Variants in GRID1 observed in about 807,000 individuals in gnomAD.
GRID1 encodes glutamate ionotropic receptor delta type subunit 1, also known as glutamate receptor ionotropic, delta-1.
Under a neutral mutation model 98.0 loss-of-function variants are expected in GRID1, and 28 were observed. The observed-to-expected ratio is 0.29, with a 90% CI of 0.21 to 0.39. GRID1 has a LOEUF of 0.39. GRID1 is among the 10% of genes least tolerant of loss of function. The pLI is 1.00. For missense variants in GRID1, 1,111 were observed against 1,340.5 expected (o/e 0.83, Z 2.67); for synonymous variants, 553 against 538.5 (o/e 1.03, Z -0.37).
chr10:86,218,449 G>C (rs2132027552), intron 2 of GRID1, among the ~76,000 whole-genome samples: 1 of 152,234 alleles, frequency 6.6e-6, no homozygotes, highest in East Asian at 1.9e-4. Context: ...TCTAGGAAAG[G>C]TTGGAGTGGC....
intron 12 of GRID1, among the ~76,000 whole-genome samples, chr10:85,679,693 G>A (rs1841185070): frequency 6.6e-6 from 1 of 152,164 alleles, no homozygotes; most frequent in Non-Finnish European, 1.5e-5. Flanking sequence ...AAGTGGATGA[G>A]GCAAGAATGT....
At chr10:86,112,159 G>A (rs1352819147) in intron 4 of GRID1, among the ~76,000 whole-genome samples, 1 of 152,162 alleles carries the variant, frequency 6.6e-6, no homozygotes, top group Non-Finnish European at 1.5e-5. Flanking sequence ...TATGACTAGG[G>A]ACAGGGGACA....
intron 3 of GRID1, among the ~76,000 whole-genome samples, chr10:86,188,427 G>A (rs1395769153): frequency 6.6e-6 from 1 of 152,122 alleles, no homozygotes; most frequent in Admixed American, 6.5e-5. Flanking sequence ...CCCTTGCTAG[G>A]CCTGTCCTGT....
At chr10:86,291,935 C>T (rs932672822) in intron 2 of GRID1, among the ~76,000 whole-genome samples, 1 of 152,194 alleles carries the variant, frequency 6.6e-6, no homozygotes, top group Non-Finnish European at 1.5e-5. Context: ...CAGCCAGGGC[C>T]CTTTGAGAAG....
At chr10:85,732,392 C>A (rs147491118) in intron 8 of GRID1, among the ~76,000 whole-genome samples, 1 of 152,276 alleles carries the variant, frequency 6.6e-6, no homozygotes, top group Non-Finnish European at 1.5e-5. Context: ...CTTCCTGGTA[C>A]GGTGAAGGGG....
intron 2 of GRID1, among the ~76,000 whole-genome samples, chr10:86,279,171 G>A (rs1847318255): frequency 1.3e-5 from 2 of 152,110 alleles, no homozygotes; most frequent in African/African-American, 4.8e-5. Flanking sequence ...TTTCCACCAT[G>A]GAAAGGTACC....
chr10:85,996,346 T>C (rs1171146171), intron 4 of GRID1, among the ~76,000 whole-genome samples: 1 of 151,818 alleles, frequency 6.6e-6, no homozygotes, highest in African/African-American at 2.4e-5. Flanking sequence ...CTAAAAGAAA[T>C]GGAAAAATAA....
At position 85,660,499 on chromosome 10, in the gene GRID1, C is replaced by T. The variant is rs117045723; in HGVS notation, c.1998-13102G>A. On this transcript the variant is annotated intron_variant, in intron 12 of 15. Transcript: ENST00000327946. ...GTGCCAGTCCCTCTTTCATGGGATC[C>T]TTGTGACAGCCCTGGGAGAACAGTC... Among the ~76,000 whole-genome samples, 534 of 152,202 alleles carry T rather than the reference C, an allele frequency of 3.5e-3. 1 individual carries two copies. The highest frequency in any genetic ancestry group is 6.4e-3 in the Non-Finnish European group (433 of 67,990).
intron 2 of GRID1, among the ~76,000 whole-genome samples, chr10:86,328,495 C>G (rs7087612): frequency 6.6e-6 from 1 of 152,128 alleles, no homozygotes; most frequent in African/African-American, 2.4e-5. Context: ...CCATGAGCAG[C>G]GGTGCTCTGC....
chr10:85,620,145 C>T, intron 13 of GRID1, 112 bp from the exon 14 acceptor site: 2 of 823,816 alleles, frequency 2.4e-6, no homozygotes, highest in Non-Finnish European at 2.0e-6. Flanking sequence ...AATGGTCTTC[C>T]TACCCACCAG....
intron 4 of GRID1, among the ~76,000 whole-genome samples, chr10:86,110,899 GCA>G (rs1844471434): frequency 6.6e-6 from 1 of 152,202 alleles, no homozygotes; most frequent in Non-Finnish European, 1.5e-5. Context: ...TCTATGCCAG[GCA>G]CAGATTTGCT....
intron 2 of GRID1, among the ~76,000 whole-genome samples, chr10:86,232,218 C>T (rs907076160): frequency 3.3e-5 from 5 of 152,154 alleles, no homozygotes; most frequent in African/African-American, 7.2e-5. Flanking sequence ...AGGGGAATAA[C>T]GCAGCCGTTG....
intron 4 of GRID1, among the ~76,000 whole-genome samples, chr10:85,943,985 C>G (rs1042238676): frequency 6.6e-6 from 1 of 152,230 alleles, no homozygotes; most frequent in Non-Finnish European, 1.5e-5. Context: ...TCCTATCTTG[C>G]TGCTCTGAGG....
At chr10:86,057,130 C>T (rs1413645739) in intron 4 of GRID1, among the ~76,000 whole-genome samples, 1 of 152,202 alleles carries the variant, frequency 6.6e-6, no homozygotes, top group Non-Finnish European at 1.5e-5. Flanking sequence ...GAGGTTTCTA[C>T]AGGGTTGTGA....
chr10:86,332,908 C>T (rs540777218), intron 2 of GRID1, among the ~76,000 whole-genome samples: 10 of 152,310 alleles, frequency 6.6e-5, no homozygotes, highest in African/African-American at 2.4e-4. Flanking sequence ...CTTCACACAG[C>T]CCCTCCTCGC....
intron 6 of GRID1, among the ~76,000 whole-genome samples, chr10:85,859,316 A>G (rs1027167926): frequency 6.6e-6 from 1 of 151,770 alleles, no homozygotes; most frequent in South Asian, 2.1e-4. Context: ...TGTATAGGTA[A>G]ATGGATGGAT....
chr10:85,869,174 T>C lies in GRID1; in HGVS notation c.787A>G (p.Ser263Gly). 1 of 1,612,980 alleles carries C rather than the reference T, an allele frequency of 6.2e-7. No homozygotes were observed. The highest frequency in any genetic ancestry group is 8.5e-7 in the Non-Finnish European group (1 of 1,178,972). Residue 263 changes from serine (S) to glycine (G), a missense_variant, in exon 6 of 16, where the codon AGT becomes GGT. Ser to Gly is a moderately conservative substitution (Grantham distance 56). Coordinates refer to ENST00000327946, the MANE Select transcript of GRID1 (RefSeq NM_017551.3). ...ACCAGATCCAGGATCTCCGGGTCACTGATTTCCTAGAAAAATAACCAGGCC... is the reference window on the plus strand; with the variant it reads ...ACCAGATCCAGGATCTCCGGGTCACCGATTTCCTAGAAAAATAACCAGGCC... ...SHWVFVNEEI[S>G]DPEILDLVHS... is the part of the protein sequence containing the mutation.
intron 2 of GRID1, among the ~76,000 whole-genome samples, chr10:86,262,072 G>A (rs1423997802): frequency 6.6e-6 from 1 of 152,238 alleles, no homozygotes; most frequent in Admixed American, 6.5e-5. Flanking sequence ...CAGCCAGGAG[G>A]TGGCAGTGGT....
chr10:85,769,502 C>T (rs1355891066), intron 8 of GRID1, among the ~76,000 whole-genome samples: 11 of 152,138 alleles, frequency 7.2e-5, no homozygotes, highest in East Asian at 5.8e-4. Flanking sequence ...ACACCATGTG[C>T]GAGCCGAAGC....
Sources: allele counts gnomAD v4.1 joint callset (sites outside exome capture counted in the v4.1 genomes callset), GRCh38; gene constraint gnomAD v4.1.1; transcripts MANE v1.5; gene names NCBI Gene and HGNC (gene_info 2026-07-23, HGNC 2026-07-21).